Variants in AFF1 observed in about 807,000 individuals in gnomAD.
AFF1 encodes ALF transcription elongation factor 1.
AFF1 carries 48 observed loss-of-function variants against 121.7 expected under a neutral mutation model. The ratio of observed to expected loss-of-function variants is 0.39; its 90% CI spans 0.31 to 0.50. AFF1 has a LOEUF of 0.50. AFF1 is among the 20% of genes least tolerant of loss of function. AFF1 has a pLI of 0.76. For synonymous variants in AFF1, 613 were observed against 563.0 expected (o/e 1.09, Z -1.26); for missense variants, 1,523 against 1,511.7 (o/e 1.01, Z -0.12).
chr4:87,110,998 A>ATTTTTTTTTTTT (rs1263757983), intron 11 of AFF1, among the ~76,000 whole-genome samples: 1 of 81,042 alleles, frequency 1.2e-5, no homozygotes, highest in African/African-American at 5.6e-5. Context: ...CTTAAACTTT[A>ATTTTTTTTTTTT]TTTTTTTTTT....
At chr4:87,060,835 CAAAAAAAAAAAAAAAAA>C (rs749186199) in intron 4 of AFF1, among the ~76,000 whole-genome samples, 36 of 62,302 alleles carry the variant, frequency 5.8e-4, no homozygotes, top group African/African-American at 1.8e-3. Context: ...GACTCTGTCT[CAAAAAAAAAAAAAAAAA>C]AAAAAAAAAA....
chr4:87,094,692 T>C (rs1724653096), intron 7 of AFF1, among the ~76,000 whole-genome samples: 1 of 152,224 alleles, frequency 6.6e-6, no homozygotes, highest in Non-Finnish European at 1.5e-5. Context: ...AGGTAGGGTA[T>C]GCTGCAAGCA....
chr4:86,994,442 A>G (rs530730592), intron 2 of AFF1, among the ~76,000 whole-genome samples: 2 of 152,342 alleles, frequency 1.3e-5, no homozygotes, highest in Admixed American at 1.3e-4. Context: ...CTGATTGTGT[A>G]ATGAGAGAAC....
chr4:86,974,745 G>A (rs1382603525), intron 2 of AFF1, among the ~76,000 whole-genome samples: 2 of 152,136 alleles, frequency 1.3e-5, no homozygotes, highest in Non-Finnish European at 2.9e-5. Context: ...CATACATAAA[G>A]AGCTGTACAC....
chr4:86,964,811 A>G (rs554419427), intron 2 of AFF1, among the ~76,000 whole-genome samples: 60 of 152,260 alleles, frequency 3.9e-4, no homozygotes, highest in African/African-American at 1.3e-3. Context: ...GCATTATTGT[A>G]TGGTTTCTCT....
At chr4:87,121,573 C>T (rs1434648391) in intron 12 of AFF1, among the ~76,000 whole-genome samples, 3 of 151,428 alleles carry the variant, frequency 2.0e-5, no homozygotes, top group Non-Finnish European at 4.4e-5. Flanking sequence ...GTTCTAAGTG[C>T]ATAGTGTACA....
At chr4:87,093,951 C>T (rs1016243648) in intron 7 of AFF1, among the ~76,000 whole-genome samples, 5 of 152,162 alleles carry the variant, frequency 3.3e-5, no homozygotes, top group Non-Finnish European at 7.4e-5. Context: ...CAGAGTAATC[C>T]TTCTGAGGAA....
chr4:86,995,817 G>A (rs994222660), intron 2 of AFF1, among the ~76,000 whole-genome samples: 7 of 150,556 alleles, frequency 4.6e-5, no homozygotes, highest in Non-Finnish European at 5.9e-5. Flanking sequence ...TGCCCAGTCT[G>A]GAAAGTGAGG....
In AFF1 at chr4:87,050,188, GT is replaced by G. The variant is rs1731131484; in HGVS notation, c.1059+2597del. 2.6e-5 allele frequency among the ~76,000 whole-genome samples: 4 copies of G among 152,098 alleles called. 1 individual carries two copies. The South Asian group carries it at 8.3e-4, about 32-fold the overall frequency. ...TACCAATAGCCTGGGTTATTTTTGGGTTTGGGGCAGAAGGGGAAGCTGTCTC... is the reference window on the plus strand; with the variant it reads ...TACCAATAGCCTGGGTTATTTTTGGGTTGGGGCAGAAGGGGAAGCTGTCTC... On this transcript the variant is annotated intron_variant, in intron 4 of 20. Transcript: ENST00000395146.
chr4:86,938,564 T>G (rs1720221124), intron 1 of AFF1, among the ~76,000 whole-genome samples: 1 of 152,224 alleles, frequency 6.6e-6, no homozygotes, highest in South Asian at 2.1e-4. Flanking sequence ...TTCTGAAGTT[T>G]AATTGGCAGT....
chr4:87,139,507 G>C lies in AFF1; in HGVS notation c.*3806G>C, dbSNP rs903470210. ...GATTAGCAGTATTTAAATCTTGCAA[G>C]AATATTTTGTGCTTTCTTTAGAAAC... On this transcript the variant is annotated 3_prime_UTR_variant, in exon 21 of 21. Transcript: ENST00000395146. The C allele has an allele frequency of 4.3e-6, 1 of 231,526 alleles. No homozygotes were observed. Among genetic ancestry groups the C allele is most frequent in the Non-Finnish European group, 8.6e-6 (1 of 116,836 alleles). 14.3% of individuals were successfully genotyped at this position (231,526 alleles called of 1,614,324 possible).
At position 87,084,236 on chromosome 4, in the gene AFF1, C is replaced by T. The variant is rs1723460011; in HGVS notation, c.1104+72C>T. ...GTAGGCGTACATCCATTTACTTTCA[C>T]TTTAAAGAACAGTTGCCATTGGCTG... On this transcript the variant is annotated intron_variant, in intron 5 of 20. Transcript: ENST00000395146. 2.6e-6 allele frequency: 4 copies of T among 1,512,632 alleles called. No homozygotes were observed. In the South Asian group the frequency reaches 3.4e-5, roughly 13 times the overall value. The allele number at this position is 1,512,632 out of a possible 1,614,324, so 93.7% of individuals were successfully genotyped here.
At chr4:86,948,647 T>C in intron 2 of AFF1, 76 bp downstream of exon 2, 4 of 1,427,854 alleles carry the variant, frequency 2.8e-6, no homozygotes, top group Non-Finnish European at 3.8e-6. Context: ...ATAAGTTTGG[T>C]CTTTTTCAAT....
intron 4 of AFF1, chr4:87,049,591 A>T (rs1578145045): frequency 2.4e-6 from 1 of 425,228 alleles, no homozygotes; most frequent in Non-Finnish European, 4.7e-6. Context: ...TTTTTTTGGC[A>T]CCAGTGCATC....
At chr4:87,132,974 G>C (rs1032590697) in intron 19 of AFF1, among the ~76,000 whole-genome samples, 1 of 152,246 alleles carries the variant, frequency 6.6e-6, no homozygotes, top group Admixed American at 6.5e-5. Flanking sequence ...GATGCCACAG[G>C]CGTGAGCCAC....
chr4:87,090,049 C>T lies in AFF1; in HGVS notation c.1170C>T (p.Ser390=). ...ATACGCCTAGTACAGCTGAGCCATC[C>T]AAGTTTCCTTTCCCTACAAAGGTAA... ...AIHTPSTAEP[S]KFPFPTKDSQ... is the part of the protein sequence containing the mutation. Residue 390 remains serine, a synonymous_variant, in exon 6 of 21, where the codon TCC becomes TCT. Coordinates refer to ENST00000395146, the MANE Select transcript of AFF1 (RefSeq NM_001166693.3). 1 of 1,613,824 alleles carries T rather than the reference C, an allele frequency of 6.2e-7. No individual in the cohort carries two copies. Among genetic ancestry groups the T allele is most frequent in the Non-Finnish European group, 8.5e-7 (1 of 1,179,876 alleles).
intron 2 of AFF1, among the ~76,000 whole-genome samples, chr4:86,970,101 A>T (rs988872599): frequency 1.3e-5 from 2 of 152,056 alleles, no homozygotes; most frequent in Non-Finnish European, 1.5e-5. Flanking sequence ...TAGTTTTTTT[A>T]ATGTTATAAC....
chr4:87,005,448 T>C (rs1726031955), intron 2 of AFF1, among the ~76,000 whole-genome samples: 1 of 152,244 alleles, frequency 6.6e-6, no homozygotes, highest in Non-Finnish European at 1.5e-5. Context: ...GCTTGAAAGC[T>C]CAAATTTCAT....
chr4:87,005,267 C>T (rs766585207), intron 2 of AFF1, among the ~76,000 whole-genome samples: 15 of 152,218 alleles, frequency 9.9e-5, no homozygotes, highest in Non-Finnish European at 1.8e-4. Flanking sequence ...GCGTGAGCCA[C>T]TGCACCTGGC....
Sources: allele counts gnomAD v4.1 joint callset (sites outside exome capture counted in the v4.1 genomes callset), GRCh38; gene constraint gnomAD v4.1.1; transcripts MANE v1.5; gene names NCBI Gene and HGNC (gene_info 2026-07-23, HGNC 2026-07-21).